Variants in NKAIN2 observed in about 807,000 individuals in gnomAD.
The protein encoded by NKAIN2 is sodium/potassium transporting ATPase interacting 2.
In NKAIN2, 14 loss-of-function variants were observed where a neutral mutation model predicts 32.6. The observed-to-expected ratio is 0.43, with a 90% CI of 0.28 to 0.67. The LOEUF (loss-of-function observed/expected upper bound fraction) is 0.67. Ranked by LOEUF, NKAIN2 falls within the 30% of genes least tolerant of loss-of-function variation. The pLI is 0.17. For missense variants in NKAIN2, 198 were observed against 258.3 expected, an observed-to-expected ratio of 0.77 and a Z score of 1.60; for synonymous variants, 80 against 87.2, an observed-to-expected ratio of 0.92 and a Z score of 0.46.
At chr6:124,529,650 G>A (rs1166966946) in intron 3 of NKAIN2, among the ~76,000 whole-genome samples, 6 of 152,140 alleles carry the variant, frequency 3.9e-5, no homozygotes, top group Non-Finnish European at 5.9e-5. Context: ...CGAGGCTTAG[G>A]AGAAGGTGGT....
intron 1 of NKAIN2, among the ~76,000 whole-genome samples, chr6:124,279,018 A>G (rs1795173187): frequency 6.6e-6 from 1 of 152,180 alleles, no homozygotes; most frequent in Non-Finnish European, 1.5e-5. Context: ...GTGAAAACAC[A>G]CAACTACATT....
rs1300132860 is a variant in NKAIN2 at position 124,465,177 on chromosome 6, G to A, written c.273+109830G>A. ...AAATATTTCTACTATAAAGACACAT[G>A]CACATGTATGTTTATTGCAGCACTG... On this transcript the variant is annotated intron_variant, in intron 3 of 6. Transcript: ENST00000368417. 2.0e-5 allele frequency among the ~76,000 whole-genome samples: 3 copies of A among 152,156 alleles called. No individual in the cohort carries two copies. The East Asian group carries it at 5.8e-4, about 29-fold the overall frequency.
chr6:124,701,246 A>G (rs1303541938), intron 4 of NKAIN2, among the ~76,000 whole-genome samples: 1 of 151,834 alleles, frequency 6.6e-6, no homozygotes, highest in Non-Finnish European at 1.5e-5. Flanking sequence ...ATAATGTTTT[A>G]CCTTCTCTTG....
intron 1 of NKAIN2, among the ~76,000 whole-genome samples, chr6:123,832,600 G>T (rs148309446): frequency 1.3e-5 from 2 of 152,300 alleles, no homozygotes; most frequent in East Asian, 3.9e-4. Flanking sequence ...AACAATGAAT[G>T]AGAGTTCTTA....
chr6:124,455,865 C>G (rs1332038672), intron 3 of NKAIN2, among the ~76,000 whole-genome samples: 4 of 151,786 alleles, frequency 2.6e-5, no homozygotes, highest in Non-Finnish European at 4.4e-5. Flanking sequence ...CCTGATTGGT[C>G]CCATGGCTAG....
chr6:124,507,744 T>C (rs766881206), intron 3 of NKAIN2, among the ~76,000 whole-genome samples: 2 of 152,168 alleles, frequency 1.3e-5, no homozygotes, highest in African/African-American at 2.4e-5. Context: ...ATATTTATGA[T>C]ATGAGGTTCA....
At chr6:123,941,353 A>G (rs1776812949) in intron 1 of NKAIN2, among the ~76,000 whole-genome samples, 1 of 151,912 alleles carries the variant, frequency 6.6e-6, no homozygotes, top group Non-Finnish European at 1.5e-5. Flanking sequence ...AACCAGTCAT[A>G]TAGTCATTTA....
intron 2 of NKAIN2, among the ~76,000 whole-genome samples, chr6:124,288,673 CAATAT>C (rs1795670263): frequency 6.6e-6 from 1 of 152,122 alleles, no homozygotes; most frequent in Admixed American, 6.5e-5. Context: ...TTCATCTATA[CAATAT>C]AAGTTATATC....
intron 1 of NKAIN2, among the ~76,000 whole-genome samples, chr6:124,246,510 A>G (rs576846601): frequency 7.9e-5 from 12 of 151,942 alleles, no homozygotes; most frequent in African/African-American, 2.4e-5. Flanking sequence ...TTATCCCTCT[A>G]TCTGTGTTTT....
At chr6:124,151,778 ATG>A (rs1787738358) in intron 1 of NKAIN2, among the ~76,000 whole-genome samples, 1 of 151,968 alleles carries the variant, frequency 6.6e-6, no homozygotes, top group African/African-American at 2.4e-5. Flanking sequence ...TATGCTTATT[ATG>A]CATCTTGATA....
At chr6:124,782,027 G>A (rs1779292041) in intron 4 of NKAIN2, among the ~76,000 whole-genome samples, 1 of 151,976 alleles carries the variant, frequency 6.6e-6, no homozygotes, top group Non-Finnish European at 1.5e-5. Flanking sequence ...TCAGAGGCAC[G>A]CTTTATTGGA....
chr6:124,126,811 TG>T (rs1257719743), intron 1 of NKAIN2, among the ~76,000 whole-genome samples: 1 of 151,968 alleles, frequency 6.6e-6, no homozygotes, highest in Non-Finnish European at 1.5e-5. Flanking sequence ...AAAAATTAGC[TG>T]GGTGTGGTAG....
At chr6:123,897,329 T>C (rs12208734) in intron 1 of NKAIN2, among the ~76,000 whole-genome samples, 44,593 of 152,066 alleles carry the variant, frequency 0.29, 7,738 homozygotes, top group East Asian at 0.5. Context: ...GACATACTTA[T>C]GGCTCCCTGG....
chr6:123,900,893 T>G (rs1774552796), intron 1 of NKAIN2, among the ~76,000 whole-genome samples: 1 of 152,146 alleles, frequency 6.6e-6, no homozygotes, highest in Admixed American at 6.5e-5. Flanking sequence ...ATAGCCCCCT[T>G]AAGTAAAAGA....
chr6:124,599,371 G>C (rs1454252852), intron 3 of NKAIN2, among the ~76,000 whole-genome samples: 2 of 152,122 alleles, frequency 1.3e-5, no homozygotes, highest in Admixed American at 1.3e-4. Context: ...TACAGCTAAA[G>C]TGATTGTGGA....
chr6:124,817,364 G>C (rs1009156725), intron 5 of NKAIN2, among the ~76,000 whole-genome samples: 2 of 152,036 alleles, frequency 1.3e-5, no homozygotes, highest in Non-Finnish European at 2.9e-5. Context: ...CCGATTGAAA[G>C]GTATTTTATT....
chr6:124,590,776 A>T (rs925562682), intron 3 of NKAIN2, among the ~76,000 whole-genome samples: 6 of 152,246 alleles, frequency 3.9e-5, no homozygotes, highest in African/African-American at 1.4e-4. Context: ...GACCTTCTGT[A>T]AGCCCAAAGG....
At chr6:124,265,698 C>T (rs752340981) in intron 1 of NKAIN2, among the ~76,000 whole-genome samples, 12 of 152,160 alleles carry the variant, frequency 7.9e-5, no homozygotes, top group Non-Finnish European at 1.6e-4. Context: ...CCATTCTCTA[C>T]GCATTTACAG....
At chr6:124,810,265 A>C (rs1046649579) in intron 5 of NKAIN2, among the ~76,000 whole-genome samples, 2 of 151,964 alleles carry the variant, frequency 1.3e-5, no homozygotes, top group African/African-American at 4.8e-5. Flanking sequence ...TGGATTAAGA[A>C]AATGTGGCAC....
Sources: allele counts gnomAD v4.1 joint callset (sites outside exome capture counted in the v4.1 genomes callset), GRCh38; gene constraint gnomAD v4.1.1; transcripts MANE v1.5; gene names NCBI Gene and HGNC (gene_info 2026-07-23, HGNC 2026-07-21).